Variants in MEF2C observed in about 807,000 individuals in gnomAD.
The protein encoded by MEF2C is myocyte enhancer factor 2C.
Under a neutral mutation model 50.5 loss-of-function variants are expected in MEF2C, and 6 were observed. The ratio of observed to expected loss-of-function variants is 0.12; its 90% confidence interval spans 0.07 to 0.23. The LOEUF (loss-of-function observed/expected upper bound fraction) is 0.23. MEF2C is among the 10% of genes least tolerant of loss of function. MEF2C has a pLI of 1.00. For synonymous variants in MEF2C, 183 were observed against 228.0 expected, an observed-to-expected ratio of 0.80 and a Z score of 1.78; for missense variants, 276 against 605.0, an observed-to-expected ratio of 0.46 and a Z score of 5.70.
At chr5:88,746,130 G>A (rs2152463098) in intron 6 of MEF2C, among the ~76,000 whole-genome samples, 1 of 152,162 alleles carries the variant, frequency 6.6e-6, no homozygotes, top group East Asian at 1.9e-4. Flanking sequence ...AGAAGCCATG[G>A]CTGGATTTTT....
chr5:88,856,097 G>A (rs1307712789), intron 1 of MEF2C, among the ~76,000 whole-genome samples: 3 of 152,198 alleles, frequency 2.0e-5, no homozygotes, highest in African/African-American at 7.2e-5. Flanking sequence ...GGTGGTCTCA[G>A]ATGGAGATGA....
intron 1 of MEF2C, among the ~76,000 whole-genome samples, chr5:88,830,877 C>T (rs1812747446): frequency 6.6e-6 from 1 of 152,088 alleles, no homozygotes; most frequent in Non-Finnish European, 1.5e-5. Flanking sequence ...GCTCTAACCT[C>T]TCAGTAAGCA....
At chr5:88,881,660 C>T (rs915320608) in intron 1 of MEF2C, among the ~76,000 whole-genome samples, 1 of 151,488 alleles carries the variant, frequency 6.6e-6, no homozygotes, top group African/African-American at 2.4e-5. Flanking sequence ...TATTATACTC[C>T]ACATAAACAT....
At chr5:88,767,803 G>A (rs1471985436) in intron 3 of MEF2C, among the ~76,000 whole-genome samples, 2 of 152,052 alleles carry the variant, frequency 1.3e-5, no homozygotes, top group Non-Finnish European at 2.9e-5. Flanking sequence ...TTCATGTATT[G>A]AACACAAGGA....
At chr5:88,825,697 CCTGT>C in intron 1 of MEF2C, 2 of 872,142 alleles carry the variant, frequency 2.3e-6, no homozygotes, top group Non-Finnish European at 2.8e-6. Flanking sequence ...GGGCAACTTT[CCTGT>C]GTTTCCTATA....
intron 6 of MEF2C, chr5:88,736,650 T>C (rs897087921): frequency 1.2e-4 from 114 of 985,224 alleles, no homozygotes; most frequent in Middle Eastern, 5.2e-4. Context: ...TTTTGTGCAT[T>C]TGTGTGATGC....
At chr5:88,744,136 G>A (rs1331983401) in intron 6 of MEF2C, 10 of 985,028 alleles carry the variant, frequency 1.0e-5, no homozygotes, top group East Asian at 1.1e-4. Flanking sequence ...GGATACTAAC[G>A]GGATAGTGAA....
At chr5:88,771,359 C>T in intron 3 of MEF2C, 1 of 823,356 alleles carries the variant, frequency 1.2e-6, no homozygotes, top group Non-Finnish European at 1.5e-6. Context: ...TTTACTCCTC[C>T]TCTCAGTTAC....
At chr5:88,859,642 A>G (rs542418897) in intron 1 of MEF2C, among the ~76,000 whole-genome samples, 115 of 152,358 alleles carry the variant, frequency 7.5e-4, no homozygotes, top group Middle Eastern at 3.4e-3. Flanking sequence ...TCCTAAAAGA[A>G]GCCAATAATT....
intron 3 of MEF2C, chr5:88,775,837 T>TTCATAAACTTAAGGAAA: frequency 1.0e-6 from 1 of 982,676 alleles, no homozygotes; most frequent in Non-Finnish European, 1.2e-6. Flanking sequence ...TAGAGAGTAT[T>TTCATAAACTTAAGGAAA]TTTGTGTGTG....
intron 3 of MEF2C, chr5:88,782,015 A>C: frequency 2.0e-6 from 1 of 488,504 alleles, no homozygotes; most frequent in Non-Finnish European, 2.7e-6. Context: ...TGTTCTGAGG[A>C]AGGAGGATCT....
chr5:88,734,873 A>C (rs1472057107), intron 6 of MEF2C: 3 of 977,734 alleles, frequency 3.1e-6, no homozygotes, highest in South Asian at 9.5e-5. Context: ...AAATATTTTG[A>C]ACCATGATGA....
chr5:88,749,931 G>GAGGC (rs1170731372), intron 5 of MEF2C, among the ~76,000 whole-genome samples: 2 of 152,116 alleles, frequency 1.3e-5, no homozygotes, highest in South Asian at 2.1e-4. Context: ...TCGGGAGGCT[G>GAGGC]AGGCAGGAGA....
intron 4 of MEF2C, among the ~76,000 whole-genome samples, chr5:88,759,972 A>T (rs1777123122): frequency 6.6e-6 from 1 of 152,230 alleles, no homozygotes; most frequent in African/African-American, 2.4e-5. Context: ...TGCACTTGTA[A>T]TCACCAAAAC....
At chr5:88,742,805 T>C in intron 6 of MEF2C, 2 of 985,334 alleles carry the variant, frequency 2.0e-6, no homozygotes, top group Non-Finnish European at 2.4e-6. Context: ...ATAATTTGCT[T>C]GGTTTTGTAT....
At chr5:88,744,166 G>C in intron 6 of MEF2C, 4 of 982,564 alleles carry the variant, frequency 4.1e-6, no homozygotes, top group Non-Finnish European at 4.8e-6. Context: ...ACAAGGCATT[G>C]CTCTGCTAAT....
At chr5:88,738,826 T>C (rs1765212867) in intron 6 of MEF2C, 5 of 985,122 alleles carry the variant, frequency 5.1e-6, no homozygotes, top group Non-Finnish European at 6.0e-6. Context: ...TGAATTCTCA[T>C]AAAGAGGCAC....
intron 3 of MEF2C, among the ~76,000 whole-genome samples, chr5:88,791,149 T>C (rs1386262809): frequency 1.3e-5 from 2 of 152,190 alleles, no homozygotes; most frequent in African/African-American, 4.8e-5. Context: ...ATGGCTAGAA[T>C]GTAACATTTG....
rs1418947687 is a variant in MEF2C, at chr5:88,722,018, T to G, written c.*586A>C. On this transcript the variant is annotated 3_prime_UTR_variant, in exon 11 of 11. Coordinates refer to ENST00000504921, the MANE Select transcript of MEF2C (RefSeq NM_002397.5). Reference sequence around the variant, plus strand: ...TTAGCCCTCCAACTCCACATTTTTTTTTAATAGGTATGGTCCTCTTTTAAT... The same window carrying G: ...TTAGCCCTCCAACTCCACATTTTTTGTTAATAGGTATGGTCCTCTTTTAAT... 1 of 152,612 alleles carries G rather than the reference T, an allele frequency of 6.6e-6. No homozygotes were observed. The highest frequency in any genetic ancestry group is 6.5e-5 in the Admixed American group (1 of 15,284). 9.5% of individuals were successfully genotyped at this position (152,612 alleles called of 1,614,324 possible). A position where few individuals can be genotyped will look rare whatever the true frequency, so the allele number is the denominator to read the frequency against.
Sources: gnomAD v4.1 joint callset for allele counts (sites outside exome capture counted in the v4.1 genomes callset) on GRCh38, gnomAD v4.1.1 for gene constraint, MANE v1.5 for transcripts, NCBI Gene and HGNC (gene_info 2026-07-23, HGNC 2026-07-21) for gene names.